Variants in IMPG1 observed in about 807,000 individuals in gnomAD.
IMPG1 encodes interphotoreceptor matrix proteoglycan 1.
Under a neutral mutation model 92.0 loss-of-function variants are expected in IMPG1, and 85 were observed. That is an observed-to-expected ratio of 0.92 (90% CI 0.78 to 1.11). The LOEUF (loss-of-function observed/expected upper bound fraction) is 1.11, where lower values mean the gene tolerates loss of function less well. Among genes scored for constraint, IMPG1 ranks in the 50% least tolerant of loss-of-function variants. The pLI is 0.00. For missense variants in IMPG1, 1,022 were observed against 956.0 expected (o/e 1.07, Z -0.91); for synonymous variants, 367 against 334.1 (o/e 1.10, Z -1.08).
intron 4 of IMPG1, among the ~76,000 whole-genome samples, 176 bp downstream of exon 4, chr6:76,034,139 T>G (rs1331075712): frequency 1.3e-5 from 2 of 152,248 alleles, no homozygotes; most frequent in Admixed American, 1.3e-4. Context: ...TATTTTTGTT[T>G]TATGTACTGA....
At chr6:76,046,573 TA>T (rs1783947863) in intron 1 of IMPG1, among the ~76,000 whole-genome samples, 1 of 152,208 alleles carries the variant, frequency 6.6e-6, no homozygotes, top group Non-Finnish European at 1.5e-5. Context: ...GTCACTCAAC[TA>T]TTCAAAATGT....
chr6:76,067,392 G>GA, intron 1 of IMPG1, among the ~76,000 whole-genome samples: 1 of 151,982 alleles, frequency 6.6e-6, no homozygotes, highest in Non-Finnish European at 1.5e-5. Context: ...AAGATCATCA[G>GA]AAACTTCTGT....
chr6:76,069,732 A>G (rs997058737), intron 1 of IMPG1, among the ~76,000 whole-genome samples: 12 of 96,044 alleles, frequency 1.2e-4, no homozygotes, highest in Non-Finnish European at 1.7e-4. Flanking sequence ...CTAGGTGCCC[A>G]TCATTGGTTG....
In IMPG1 at chr6:75,987,373, T is replaced by C. The variant is rs149251749; in HGVS notation, c.1291+15545A>G. On this transcript the variant is annotated intron_variant, in intron 12 of 16. Coordinates refer to ENST00000369950, the MANE Select transcript of IMPG1 (RefSeq NM_001563.4). ...ACAACGCGCAGGTTTGTTACATATGTATATATGTGCCATGGTGGTGTGCTG... is the reference window on the plus strand; with the variant it reads ...ACAACGCGCAGGTTTGTTACATATGCATATATGTGCCATGGTGGTGTGCTG... Among the ~76,000 whole-genome samples, 1,461 of 151,660 alleles carry C rather than the reference T, an allele frequency of 9.6e-3. 16 individuals are homozygous for C. The highest frequency in any genetic ancestry group is 0.034 in the African/African-American group (1,395 of 41,256).
chr6:75,929,286 A>C (rs967264984), intron 15 of IMPG1, among the ~76,000 whole-genome samples: 1 of 152,096 alleles, frequency 6.6e-6, no homozygotes, highest in Admixed American at 6.5e-5. Flanking sequence ...CTTTTGCCAA[A>C]TTCAAATGAT....
At chr6:76,023,079 A>C (rs1375520247) in intron 5 of IMPG1, among the ~76,000 whole-genome samples, 2 of 152,202 alleles carry the variant, frequency 1.3e-5, no homozygotes, top group East Asian at 1.9e-4. Context: ...GGCTCTGTGA[A>C]GTAATTGCCC....
intron 12 of IMPG1, among the ~76,000 whole-genome samples, chr6:75,975,751 G>A (rs1200974067): frequency 6.6e-6 from 1 of 152,076 alleles, no homozygotes; most frequent in Non-Finnish European, 1.5e-5. Context: ...TTTCTGACAA[G>A]GGCCAAACGA....
chr6:75,964,651 T>C (rs528635061), intron 12 of IMPG1, among the ~76,000 whole-genome samples: 2 of 127,304 alleles, frequency 1.6e-5, no homozygotes, highest in East Asian at 4.9e-4. Flanking sequence ...CACTCCAGTC[T>C]GGGTGACAGA....
chr6:76,050,720 T>A (rs1292989191), intron 1 of IMPG1, among the ~76,000 whole-genome samples: 3 of 152,210 alleles, frequency 2.0e-5, no homozygotes, highest in Non-Finnish European at 4.4e-5. Context: ...TCATTCTCTT[T>A]CTTGGCTACA....
intron 1 of IMPG1, among the ~76,000 whole-genome samples, chr6:76,043,323 T>C (rs1783876438): frequency 6.6e-6 from 1 of 152,076 alleles, no homozygotes; most frequent in South Asian, 2.1e-4. Context: ...CAAACCCATA[T>C]CTTCTGAAAT....
intron 15 of IMPG1, among the ~76,000 whole-genome samples, chr6:75,924,561 T>TA (rs1781496197): frequency 2.2e-5 from 1 of 45,336 alleles, no homozygotes; most frequent in African/African-American, 7.6e-5. Flanking sequence ...TTAATATAAT[T>TA]ATATATTATA....
At chr6:76,063,420 AT>A (rs1278131749) in intron 1 of IMPG1, among the ~76,000 whole-genome samples, 5 of 152,050 alleles carry the variant, frequency 3.3e-5, no homozygotes, top group Non-Finnish European at 7.4e-5. Flanking sequence ...GGGGCTTGGT[AT>A]TTCATGAAAA....
chr6:76,046,170 T>G (rs1783938154), intron 1 of IMPG1, among the ~76,000 whole-genome samples: 2 of 152,190 alleles, frequency 1.3e-5, no homozygotes, highest in Non-Finnish European at 2.9e-5. Flanking sequence ...ATTTCTGCCC[T>G]CTGGTATAGC....
chr6:76,065,797 G>A (rs765514590), intron 1 of IMPG1, among the ~76,000 whole-genome samples: 1 of 152,020 alleles, frequency 6.6e-6, no homozygotes, highest in Admixed American at 6.6e-5. Flanking sequence ...CAAAATCAGT[G>A]TGAAGAAAAA....
intron 4 of IMPG1, among the ~76,000 whole-genome samples, 174 bp downstream of exon 4, chr6:76,034,141 A>G (rs2149487808): frequency 6.6e-6 from 1 of 152,310 alleles, no homozygotes; most frequent in African/African-American, 2.4e-5. Context: ...TTTTTGTTTT[A>G]TGTACTGATT....
rs1554226577 is a variant in IMPG1, at chr6:75,924,725, A to AATTATAT, written c.2244-1026_2244-1020dup. Among the ~76,000 whole-genome samples the AATTATAT allele has an allele frequency of 8.3e-3, 94 of 11,320 alleles. 4 individuals carry two copies. Among genetic ancestry groups the AATTATAT allele is most frequent in the African/African-American group, 0.017 (74 of 4,382 alleles). The allele number at this position is 11,320 out of a possible 152,430, so 7.4% of individuals were successfully genotyped here. ...ATATATAATATATAATATATAATATAATTATATATAATATATAATATATAA... is the reference window on the plus strand; with the variant it reads ...ATATATAATATATAATATATAATATAATTATATATTATATATAATATATAATATATAA... On this transcript the variant is annotated intron_variant, in intron 15 of 16. Transcript: ENST00000369950.
rs968851224 is a variant in IMPG1, at chr6:76,032,267, A to AT, written c.497+2047dup. ...TGTCAAGGTTTGGTACATTCTGTTG[A>AT]TTTTTTTTTCTTATGGATGGACCCT... On this transcript the variant is annotated intron_variant, in intron 4 of 16. Coordinates refer to ENST00000369950, the MANE Select transcript of IMPG1 (RefSeq NM_001563.4). 1.0e-4 allele frequency among the ~76,000 whole-genome samples: 15 copies of AT among 149,172 alleles called. No homozygotes were observed. The East Asian group carries it at 1.2e-3, about 12-fold the overall frequency.
chr6:76,053,910 C>T lies in IMPG1; in HGVS notation c.68-11784G>A, dbSNP rs546138463. Among the ~76,000 whole-genome samples the T allele has an allele frequency of 7.9e-5, 12 of 152,168 alleles. No individual in the cohort carries two copies. The East Asian group carries it at 2.3e-3, about 29-fold the overall frequency. ...TATATTACAAAAAAAGAATGATATT[C>T]TAACTACTCAAGCAGAGCAGAATTG... On this transcript the variant is annotated intron_variant, in intron 1 of 16. Transcript: ENST00000369950.
At chr6:76,020,116 G>A (rs569056720) in intron 6 of IMPG1, among the ~76,000 whole-genome samples, 35 of 152,088 alleles carry the variant, frequency 2.3e-4, no homozygotes, top group Middle Eastern at 3.4e-3. Context: ...GTGCAATGGC[G>A]ATCACAACTC....
Sources: allele counts gnomAD v4.1 joint callset (sites outside exome capture counted in the v4.1 genomes callset), GRCh38; gene constraint gnomAD v4.1.1; transcripts MANE v1.5; gene names NCBI Gene and HGNC (gene_info 2026-07-23, HGNC 2026-07-21).